Variants in EXO1 observed in about 807,000 individuals in gnomAD.
EXO1 encodes exonuclease 1.
EXO1 carries 69 observed loss-of-function variants against 84.5 expected under a neutral mutation model. The ratio of observed to expected loss-of-function variants is 0.82; its 90% CI spans 0.67 to 1.00. The LOEUF is 1.00. EXO1 is among the 50% of genes least tolerant of loss of function. The pLI, the probability that EXO1 is intolerant of heterozygous loss-of-function variation, is 0.00. For synonymous variants in EXO1, 373 were observed against 366.1 expected (o/e 1.02, Z -0.21); for missense variants, 1,045 against 1,000.7 (o/e 1.04, Z -0.60).
intron 10 of EXO1, among the ~76,000 whole-genome samples, chr1:241,866,531 CT>C (rs1050501399): frequency 8.7e-4 from 115 of 132,790 alleles, no homozygotes; most frequent in Middle Eastern, 3.9e-3. Context: ...TACTTTTAAT[CT>C]TTTTTTTCTA....
chr1:241,885,928 A>G (rs1294011901), intron 15 of EXO1, among the ~76,000 whole-genome samples: 1 of 150,610 alleles, frequency 6.6e-6, no homozygotes, highest in East Asian at 2.0e-4. Context: ...ATCTCCACTC[A>G]CCGCAACCTC....
chr1:241,888,095 C>T (rs1281352988), intron 15 of EXO1, among the ~76,000 whole-genome samples: 2 of 152,164 alleles, frequency 1.3e-5, no homozygotes, highest in African/African-American at 4.8e-5. Flanking sequence ...AAAGAATTAG[C>T]TGAGCGTGGT....
In EXO1 at chr1:241,889,764, T is replaced by C; in HGVS notation, c.*164T>C. 1 of 682,140 alleles carries C rather than the reference T, an allele frequency of 1.5e-6. No homozygotes were observed. 42.3% of individuals were successfully genotyped at this position (682,140 alleles called of 1,614,324 possible). Reference sequence around the variant, plus strand: ...TAACTTTATAATTGGGTTGTGGTTTTTTTGCTCAGCTTTTTATATTTTTAT... The same window carrying C: ...TAACTTTATAATTGGGTTGTGGTTTCTTTGCTCAGCTTTTTATATTTTTAT... On this transcript the variant is annotated 3_prime_UTR_variant, in exon 16 of 16. Coordinates refer to ENST00000366548, the MANE Select transcript of EXO1 (RefSeq NM_130398.4).
chr1:241,865,149 T>G (rs975433869), intron 10 of EXO1, among the ~76,000 whole-genome samples: 1 of 150,968 alleles, frequency 6.6e-6, no homozygotes, highest in Admixed American at 6.6e-5. Flanking sequence ...AGGTTACACA[T>G]GTGGAGCCAC....
chr1:241,861,621 A>G (rs4149919), intron 10 of EXO1, 119 bp downstream of exon 10: 66,728 of 715,158 alleles, frequency 0.093, 4,431 homozygotes, highest in Admixed American at 0.26. Context: ...GGCTCTGTGC[A>G]GAATGTACAT....
At chr1:241,852,217 C>A in intron 4 of EXO1, 75 bp from the exon 5 acceptor site, 3 of 1,316,734 alleles carry the variant, frequency 2.3e-6, no homozygotes, top group Non-Finnish European at 3.2e-6. Context: ...ATAGTTTTCT[C>A]ATCTGGCCTA....
Position 241,858,478 on chromosome 1 carries a change from GTATTAACAATT to G in EXO1, c.544-26_544-16del. On this transcript the variant is annotated splice_polypyrimidine_tract_variant and intron_variant, in intron 7 of 15. Coordinates refer to ENST00000366548, the MANE Select transcript of EXO1 (RefSeq NM_130398.4). ...ATAATGACAAAAGTGGCCCTTCTAG[GTATTAACAATT>G]TCCCTTCCTTTTGAAGGTAATTTTA... 1.3e-6 allele frequency: 2 copies of G among 1,483,352 alleles called. No homozygotes were observed. Among genetic ancestry groups the G allele is most frequent in the Non-Finnish European group, 1.9e-6 (2 of 1,060,602 alleles). The allele number at this position is 1,483,352 out of a possible 1,614,324, so 91.9% of individuals were successfully genotyped here.
intron 14 of EXO1, 27 bp from the exon 15 acceptor site, chr1:241,885,287 G>A: frequency 1.3e-6 from 2 of 1,536,388 alleles, no homozygotes; most frequent in Non-Finnish European, 1.8e-6. Context: ...TAACAGAATG[G>A]TCTTAAAATG....
intron 12 of EXO1, among the ~76,000 whole-genome samples, chr1:241,876,058 A>G (rs1019405111): frequency 3.9e-5 from 6 of 152,146 alleles, no homozygotes; most frequent in Non-Finnish European, 8.8e-5. Flanking sequence ...GTGTCTCTAC[A>G]GGGCTCGCCT....
chr1:241,850,213 G>A (rs1443695774), intron 3 of EXO1, among the ~76,000 whole-genome samples, 196 bp from the exon 4 acceptor site: 2 of 151,852 alleles, frequency 1.3e-5, no homozygotes, highest in Non-Finnish European at 2.9e-5. Context: ...CCCGGGAGGC[G>A]GAGCTTGCAG....
rs1342024860 is a variant in EXO1, at chr1:241,885,312, A to G, written c.2212-2A>G. ...GTCTTAAAATGGGTGTTTAATCTTC[A>G]GGTTCCTGGGCTATATAAGTCCAGT... is the stretch of plus-strand genomic sequence containing the variant. On this transcript the variant is annotated splice_acceptor_variant, in intron 14 of 15. Transcript: ENST00000366548. LOFTEE classifies it high-confidence loss of function. 3.7e-6 allele frequency: 6 copies of G among 1,611,896 alleles called. No homozygotes were observed. The highest frequency in any genetic ancestry group is 5.1e-6 in the Non-Finnish European group (6 of 1,178,390).
In EXO1 at chr1:241,850,482, G is replaced by A. The variant is rs754562551; in HGVS notation, c.57G>A (p.Val19=). The change falls in exon 4 of 16, where the codon GTG becomes GTA. Residue 19 remains valine, a synonymous_variant. Coordinates refer to ENST00000366548, the MANE Select transcript of EXO1 (RefSeq NM_130398.4). ...AAGAAGCTTCAGAACCCATCCATGT[G>A]AGGAAGTATAAAGGGCAGGTAGTAG... ...FIKEASEPIH[V]RKYKGQVVAV... is the part of the protein sequence containing the mutation. 6 of 1,613,986 alleles carry A rather than the reference G, an allele frequency of 3.7e-6. No homozygotes were observed. The Middle Eastern group carries it at 5.0e-4, about 133-fold the overall frequency.
intron 11 of EXO1, among the ~76,000 whole-genome samples, chr1:241,870,928 C>T (rs761119321): frequency 1.7e-4 from 26 of 152,134 alleles, no homozygotes; most frequent in Non-Finnish European, 3.5e-4. Flanking sequence ...TTTAGGCCTG[C>T]GCAATTGCTG....
Position 241,879,174 on chromosome 1 carries a change from A to G in EXO1, c.1940A>G (p.Asn647Ser). 1.9e-6 allele frequency: 3 copies of G among 1,607,368 alleles called. No homozygotes were observed. Among genetic ancestry groups the G allele is most frequent in the Non-Finnish European group, 1.7e-6 (2 of 1,174,274 alleles). ...SDSPTSLPEN[N>S]MSDVSQLKSE... Reference sequence around the variant, plus strand: ...TCCCCCACCTCTTTGCCTGAGAATAATATGTCTGATGTGTCGCAGTTAAAG... The same window carrying G: ...TCCCCCACCTCTTTGCCTGAGAATAGTATGTCTGATGTGTCGCAGTTAAAG... Residue 647 changes from asparagine to serine, a missense_variant, in exon 13 of 16, where the codon AAT becomes AGT. Coordinates refer to ENST00000366548, the MANE Select transcript of EXO1 (RefSeq NM_130398.4).
Position 241,879,457 on chromosome 1 carries a change from C to T in EXO1, c.2109+114C>T. 6.1e-6 allele frequency: 4 copies of T among 657,542 alleles called. No homozygotes were observed. In the East Asian group the frequency reaches 1.1e-4, roughly 18 times the overall value. 40.7% of individuals were successfully genotyped at this position (657,542 alleles called of 1,614,324 possible). On this transcript the variant is annotated intron_variant, in intron 13 of 15. Transcript: ENST00000366548. Reference sequence around the variant, plus strand: ...TGAATGACGAGCTATATTATTTTTTCATTCTAAACTCTACTGTGCAGAAAG... The same window carrying T: ...TGAATGACGAGCTATATTATTTTTTTATTCTAAACTCTACTGTGCAGAAAG...
intron 14 of EXO1, among the ~76,000 whole-genome samples, chr1:241,882,369 G>A (rs1662822488): frequency 6.6e-6 from 1 of 152,064 alleles, no homozygotes; most frequent in Non-Finnish European, 1.5e-5. Flanking sequence ...AATATTTGAG[G>A]ACATGTTCTT....
At chr1:241,857,783 T>C (rs573063603) in intron 7 of EXO1, among the ~76,000 whole-genome samples, 201 of 152,260 alleles carry the variant, frequency 1.3e-3, no homozygotes, top group African/African-American at 4.7e-3. Context: ...TATTGTTTTA[T>C]GCAGATTCTT....
intron 11 of EXO1, among the ~76,000 whole-genome samples, chr1:241,868,481 T>C (rs1661883188): frequency 6.6e-6 from 1 of 151,924 alleles, no homozygotes; most frequent in Non-Finnish European, 1.5e-5. Flanking sequence ...TACATTATCG[T>C]AAAACAAAAA....
At chr1:241,886,845 C>T (rs993373919) in intron 15 of EXO1, among the ~76,000 whole-genome samples, 2 of 151,898 alleles carry the variant, frequency 1.3e-5, no homozygotes, top group African/African-American at 2.4e-5. Context: ...CATGGCTTTA[C>T]ATTTCATTTT....
Sources: allele counts gnomAD v4.1 joint callset (sites outside exome capture counted in the v4.1 genomes callset), GRCh38; gene constraint gnomAD v4.1.1; transcripts MANE v1.5; gene names NCBI Gene and HGNC (gene_info 2026-07-23, HGNC 2026-07-21).